Variants in SASH1 observed in about 807,000 individuals in gnomAD.
SASH1 encodes the protein SAM and SH3 domain-containing protein 1.
In SASH1, 44 loss-of-function variants were observed where a neutral mutation model predicts 125.2. The observed-to-expected ratio is 0.35, with a 90% CI of 0.28 to 0.45. SASH1 has a LOEUF of 0.45. Among genes scored for constraint, SASH1 ranks in the 20% least tolerant of loss-of-function variants. SASH1 has a pLI of 1.00. For synonymous variants in SASH1, 639 were observed against 649.1 expected (o/e 0.98, Z 0.24); for missense variants, 1,426 against 1,614.5 (o/e 0.88, Z 2.00).
intron 7 of SASH1, chr6:148,480,067 T>C (rs1222313350): frequency 6.6e-6 from 1 of 152,120 alleles, no homozygotes; most frequent in Non-Finnish European, 1.5e-5. Context: ...TGCTCAAGAT[T>C]GAAACTCCCC....
chr6:148,546,884 T>TAAA (rs576383889), intron 19 of SASH1, among the ~76,000 whole-genome samples: 2 of 145,914 alleles, frequency 1.4e-5, no homozygotes, highest in African/African-American at 5.0e-5. Flanking sequence ...CCCTGTTACT[T>TAAA]AAAAAAAAAA....
At chr6:148,539,092 CT>C (rs58542800) in intron 16 of SASH1, among the ~76,000 whole-genome samples, 13,053 of 142,700 alleles carry the variant, frequency 0.091, 553 homozygotes, top group Non-Finnish European at 0.11. Context: ...TCCGATGCTG[CT>C]TTTTTTTTTT....
At chr6:148,462,594 C>G (rs1777665421) in intron 4 of SASH1, among the ~76,000 whole-genome samples, 3 of 152,212 alleles carry the variant, frequency 2.0e-5, no homozygotes, top group Admixed American at 2.0e-4. Flanking sequence ...GAAAAGTGTT[C>G]TTGGAATATT....
intron 1 of SASH1, among the ~76,000 whole-genome samples, chr6:148,332,514 A>C (rs563943307): frequency 8.5e-5 from 13 of 152,160 alleles, no homozygotes; most frequent in Middle Eastern, 3.2e-3. Context: ...AACATATGCT[A>C]TTCTAAGGGA....
At chr6:148,272,417 TG>T in intron 1 of SASH1, 1 of 469,950 alleles carries the variant, frequency 2.1e-6, no homozygotes, top group South Asian at 1.6e-5. Context: ...AGACTGTTTT[TG>T]GTGCCTTCTG....
chr6:148,243,509 G>A, the SASH1 span, among the ~76,000 whole-genome samples: 2 of 149,280 alleles, frequency 1.3e-5, no homozygotes, highest in Admixed American at 1.3e-4. Flanking sequence ...CAGGTGTGGT[G>A]GCATGTGCCT....
At chr6:148,231,031 A>G in the SASH1 span, among the ~76,000 whole-genome samples, 5 of 152,306 alleles carry the variant, frequency 3.3e-5, no homozygotes, top group African/African-American at 9.6e-5. Flanking sequence ...TTTTGGTGCC[A>G]TATCTAAGAA....
At chr6:148,328,411 G>A (rs1780899693) in intron 1 of SASH1, among the ~76,000 whole-genome samples, 1 of 152,052 alleles carries the variant, frequency 6.6e-6, no homozygotes, top group Non-Finnish European at 1.5e-5. Context: ...TGGCTAACAT[G>A]GTGAAACCCC....
intron 2 of SASH1, among the ~76,000 whole-genome samples, chr6:148,402,979 A>G (rs1784234515): frequency 6.6e-6 from 1 of 152,172 alleles, no homozygotes; most frequent in African/African-American, 2.4e-5. Flanking sequence ...CTCAATGAAT[A>G]CTTATCATAG....
At position 148,527,991 on chromosome 6, in the gene SASH1, G is replaced by C. The variant is rs1308061898; in HGVS notation, c.1428+395G>C. 1.7e-3 allele frequency among the ~76,000 whole-genome samples: 226 copies of C among 135,650 alleles called. 3 individuals are homozygous for C. Among genetic ancestry groups the C allele is most frequent in the African/African-American group, 5.8e-3 (206 of 35,478 alleles). The allele number at this position is 135,650 out of a possible 152,430, so 89.0% of individuals were successfully genotyped here. A position where few individuals can be genotyped will look rare whatever the true frequency, so the allele number is the denominator to read the frequency against. On this transcript the variant is annotated intron_variant, in intron 12 of 19. Transcript: ENST00000367467. ...CAAACCTAAAGCTTTTTTTTTTTGG[G>C]GGGGGGGGTGGCAGTAGACTTGTCG...
intron 4 of SASH1, among the ~76,000 whole-genome samples, chr6:148,458,539 G>A (rs138811614): frequency 3.3e-5 from 5 of 152,254 alleles, no homozygotes; most frequent in South Asian, 4.2e-4. Flanking sequence ...GAAGGTATGC[G>A]CCATGTCGTG....
chr6:148,251,793 A>C, the SASH1 span, among the ~76,000 whole-genome samples: 4 of 150,434 alleles, frequency 2.7e-5, no homozygotes, highest in African/African-American at 7.3e-5. Context: ...TTAACTCATC[A>C]TTTACATTAG....
intron 19 of SASH1, among the ~76,000 whole-genome samples, chr6:148,547,274 C>T (rs530568552): frequency 3.3e-5 from 5 of 152,238 alleles, no homozygotes; most frequent in African/African-American, 7.2e-5. Flanking sequence ...CTGATGACTA[C>T]GGGCTACTAA....
At chr6:148,267,076 C>T in the SASH1 span, among the ~76,000 whole-genome samples, 2 of 152,096 alleles carry the variant, frequency 1.3e-5, no homozygotes, top group South Asian at 2.1e-4. Context: ...AAGTCTAGTT[C>T]GCTTACCTGT....
At chr6:148,394,722 G>T (rs932279861) in intron 2 of SASH1, among the ~76,000 whole-genome samples, 1 of 151,920 alleles carries the variant, frequency 6.6e-6, no homozygotes, top group East Asian at 1.9e-4. Context: ...TCAGCTCACC[G>T]CAATTTCTGC....
intron 2 of SASH1, among the ~76,000 whole-genome samples, chr6:148,400,535 A>C (rs1198228202): frequency 6.6e-6 from 1 of 152,084 alleles, no homozygotes; most frequent in Non-Finnish European, 1.5e-5. Context: ...GGATCCTTTG[A>C]GCCTAGGAGT....
intron 1 of SASH1, among the ~76,000 whole-genome samples, chr6:148,351,242 A>G (rs1200865725): frequency 7.4e-6 from 1 of 135,322 alleles, no homozygotes; most frequent in African/African-American, 2.7e-5. Flanking sequence ...GGCTTTCAAG[A>G]TGATTGGTGA....
At chr6:148,482,688 ATTTT>A (rs200708826) in intron 7 of SASH1, among the ~76,000 whole-genome samples, 23 of 99,922 alleles carry the variant, frequency 2.3e-4, no homozygotes, top group East Asian at 1.1e-3. Context: ...CACCTGGCTA[ATTTT>A]TTTTTTTTTT....
chr6:148,454,490 G>C (rs977690968), intron 4 of SASH1, among the ~76,000 whole-genome samples: 1 of 152,216 alleles, frequency 6.6e-6, no homozygotes, highest in African/African-American at 2.4e-5. Context: ...TCCCATAGGA[G>C]TGAGAACCTG....
Sources: allele counts gnomAD v4.1 joint callset (sites outside exome capture counted in the v4.1 genomes callset), GRCh38; gene constraint gnomAD v4.1.1; transcripts MANE v1.5; gene names NCBI Gene and HGNC (gene_info 2026-07-23, HGNC 2026-07-21).